The following VPS13A variants were observed in gnomAD, a reference collection of about 807,000 sequenced individuals.
VPS13A encodes the protein vacuolar protein sorting 13 homolog A, also known as intermembrane lipid transfer protein VPS13A.
A neutral mutation model predicts 390.9 loss-of-function variants in VPS13A; 264 were observed. That is an observed-to-expected ratio of 0.68 (90% CI 0.61 to 0.75). The LOEUF (loss-of-function observed/expected upper bound fraction) is 0.75. Ranked by LOEUF, VPS13A falls within the 30% of genes least tolerant of loss-of-function variation. The probability of loss-of-function intolerance (pLI) is 0.00; values close to 1 mark genes in which losing one functional copy is unlikely to be tolerated. For missense variants in VPS13A, 3,409 were observed against 3,733.9 expected, an observed-to-expected ratio of 0.91 and a Z score of 2.27; for synonymous variants, 1,231 against 1,227.1, an observed-to-expected ratio of 1.00 and a Z score of -0.07.
At chr9:77,356,002 G>T (rs1269383286) in intron 54 of VPS13A, among the ~76,000 whole-genome samples, 2 of 152,160 alleles carry the variant, frequency 1.3e-5, no homozygotes, top group Non-Finnish European at 2.9e-5. Flanking sequence ...ATGTAAGTCA[G>T]ATTATGTTGT....
rs1834477304 is a variant in VPS13A at position 77,403,629 on chromosome 9, C to A, written c.9275+308C>A. 2.6e-5 allele frequency among the ~76,000 whole-genome samples: 4 copies of A among 152,140 alleles called. No individual in the cohort carries two copies. In the South Asian group the frequency reaches 8.3e-4, roughly 32 times the overall value. On this transcript the variant is annotated intron_variant, in intron 69 of 71. Coordinates refer to ENST00000360280, the MANE Select transcript of VPS13A (RefSeq NM_033305.3). ...GCTTTCTCCTCTCTGAAGAAGTGTA[C>A]AATTTTAGGTTATCCCAGAAGTCAG... is the stretch of plus-strand genomic sequence containing the variant.
chr9:77,328,564 G>A (rs1404047141), intron 45 of VPS13A, among the ~76,000 whole-genome samples: 1 of 152,168 alleles, frequency 6.6e-6, no homozygotes, highest in Non-Finnish European at 1.5e-5. Flanking sequence ...TTGGAAATCT[G>A]TTGTTTAGTG....
intron 55 of VPS13A, 71 bp from the exon 56 acceptor site, chr9:77,357,621 T>C: frequency 6.6e-7 from 1 of 1,516,018 alleles, no homozygotes; most frequent in Non-Finnish European, 9.0e-7. Flanking sequence ...AAAAAGTTTT[T>C]GGCATTAATT....
chr9:77,191,647 A>G (rs1278064050), intron 1 of VPS13A, among the ~76,000 whole-genome samples: 1 of 152,078 alleles, frequency 6.6e-6, no homozygotes, highest in African/African-American at 2.4e-5. Flanking sequence ...TGTTTACCCA[A>G]AAGTCATTCA....
At position 77,366,746 on chromosome 9, in the gene VPS13A, T is replaced by G; in HGVS notation, c.8345T>G (p.Leu2782Arg). Residue 2782 changes from leucine (L) to arginine (R), a missense_variant, in exon 61 of 72, where the codon CTG becomes CGG. Coordinates refer to ENST00000360280, the MANE Select transcript of VPS13A (RefSeq NM_033305.3). Reference protein sequence around the residue: ...SPIKLHLSVSLSSGREEAKDS... With the variant: ...SPIKLHLSVSRSSGREEAKDS... The stretch of plus-strand genomic sequence containing the variant: ...TTTTAGTTACATTTAAGTGTTTCAC[T>G]GAGTTCCGGCAGAGAAGAAGCTAAA... The G allele has an allele frequency of 6.2e-7, 1 of 1,612,770 alleles. No homozygotes were observed. Among genetic ancestry groups the G allele is most frequent in the Non-Finnish European group, 8.5e-7 (1 of 1,179,114 alleles).
At position 77,314,697 on chromosome 9, in the gene VPS13A, T is replaced by G. The variant is rs984618443; in HGVS notation, c.4412+33T>G. ...TTGTAATGATGTTCTAAGGTTTTAC[T>G]TGAGAAATCGTTGATATATTTTACA... On this transcript the variant is annotated intron_variant, in intron 37 of 71. Transcript: ENST00000360280. 3 of 1,595,606 alleles carry G rather than the reference T, an allele frequency of 1.9e-6. No individual in the cohort carries two copies. The African/African-American group carries it at 4.0e-5, about 21-fold the overall frequency.
rs1166054082 is a variant in VPS13A at position 77,401,328 on chromosome 9, GTTGT to G, written c.9190-1907_9190-1904del. On this transcript the variant is annotated intron_variant, in intron 68 of 71. Coordinates refer to ENST00000360280, the MANE Select transcript of VPS13A (RefSeq NM_033305.3). ...AACCACCATCTTGGGATCACATGAA[GTTGT>G]GTGTGTGTGTGTGTGTGTGTGTGTG... Among the ~76,000 whole-genome samples the G allele has an allele frequency of 5.7e-4, 54 of 95,226 alleles. 2 individuals are homozygous for G. In the Middle Eastern group the frequency reaches 0.027, roughly 48 times the overall value. The allele number at this position is 95,226 out of a possible 152,430, so 62.5% of individuals were successfully genotyped here.
In VPS13A at chr9:77,359,362, G is replaced by A; in HGVS notation, c.8065G>A (p.Val2689Ile). ...AAAGCCCTTTACAGATGTCAGTATT[G>A]TCATGAGATCTGCAGGACATTCCCA... Reference protein sequence around the residue: ...APKPFTDVSIVMRSAGHSQIS... With the variant: ...APKPFTDVSIIMRSAGHSQIS... Residue 2689 changes from valine (V) to isoleucine (I), a missense_variant, in exon 58 of 72, where the codon GTC becomes ATC. By Grantham distance (29) the Val-to-Ile change is conservative. Transcript: ENST00000360280. The A allele has an allele frequency of 6.2e-7, 1 of 1,613,458 alleles. No individual in the cohort carries two copies. Among genetic ancestry groups the A allele is most frequent in the Non-Finnish European group, 8.5e-7 (1 of 1,179,688 alleles).
chr9:77,197,616 T>C (rs935069902), intron 1 of VPS13A, among the ~76,000 whole-genome samples: 1 of 151,990 alleles, frequency 6.6e-6, no homozygotes, highest in African/African-American at 2.4e-5. Context: ...AGAAGTGATA[T>C]GGATTTTGGA....
intron 45 of VPS13A, among the ~76,000 whole-genome samples, chr9:77,330,359 T>TA (rs1300196914): frequency 6.6e-6 from 1 of 152,172 alleles, no homozygotes; most frequent in African/African-American, 2.4e-5. Context: ...TCTGCTCCCT[T>TA]AGACTTTTCA....
Position 77,350,414 on chromosome 9 carries a change from A to G in VPS13A, c.7290-903A>G, listed in dbSNP as rs985865846. Among the ~76,000 whole-genome samples the G allele has an allele frequency of 2.6e-5, 4 of 152,150 alleles. No individual in the cohort carries two copies. In the East Asian group the frequency reaches 5.8e-4, roughly 22 times the overall value. On this transcript the variant is annotated intron_variant, in intron 52 of 71. Transcript: ENST00000360280. ...ATATTTCTATATCCTAGTTGTTAAA[A>G]TGTTGTTCTGAGTTCATCTCTAGCT...
chr9:77,230,758 A>G (rs765861894), intron 17 of VPS13A, among the ~76,000 whole-genome samples: 6 of 152,138 alleles, frequency 3.9e-5, no homozygotes, highest in Non-Finnish European at 8.8e-5. Context: ...GCAAAAAAAT[A>G]AGCTCAGATT....
At chr9:77,293,682 C>T (rs930062773) in intron 32 of VPS13A, among the ~76,000 whole-genome samples, 174 bp downstream of exon 32, 1 of 151,450 alleles carries the variant, frequency 6.6e-6, no homozygotes, top group Admixed American at 6.6e-5. Flanking sequence ...TATATAACAT[C>T]GTTTTGACAT....
intron 1 of VPS13A, among the ~76,000 whole-genome samples, chr9:77,186,358 C>T (rs1279821781): frequency 6.6e-6 from 1 of 152,180 alleles, no homozygotes; most frequent in African/African-American, 2.4e-5. Context: ...ACCTTCATCT[C>T]TTAATTCTCT....
At chr9:77,243,606 T>C (rs1824633324) in intron 19 of VPS13A, among the ~76,000 whole-genome samples, 1 of 152,170 alleles carries the variant, frequency 6.6e-6, no homozygotes, top group Non-Finnish European at 1.5e-5. Flanking sequence ...GGTTCTCTGA[T>C]AGGATCATAG....
intron 67 of VPS13A, among the ~76,000 whole-genome samples, chr9:77,381,627 C>G (rs192455886): frequency 2.0e-4 from 31 of 151,726 alleles, no homozygotes; most frequent in Non-Finnish European, 3.4e-4. Flanking sequence ...TCACAGAAAA[C>G]TCTTAGAAGC....
intron 23 of VPS13A, among the ~76,000 whole-genome samples, chr9:77,267,192 GT>G (rs1467304598): frequency 6.6e-6 from 1 of 152,066 alleles, no homozygotes; most frequent in Non-Finnish European, 1.5e-5. Context: ...TCTCCATCCA[GT>G]TTTGTTCCCT....
At chr9:77,243,736 G>T (rs543787439) in intron 19 of VPS13A, among the ~76,000 whole-genome samples, 1 of 152,166 alleles carries the variant, frequency 6.6e-6, no homozygotes, top group Non-Finnish European at 1.5e-5. Context: ...CAGAATGGAT[G>T]TAGTTCTTGC....
At chr9:77,346,200 A>G (rs1159245614) in intron 52 of VPS13A, among the ~76,000 whole-genome samples, 2 of 151,868 alleles carry the variant, frequency 1.3e-5, no homozygotes, top group South Asian at 2.1e-4. Context: ...AATTTAAATT[A>G]TGATCATTTT....
Sources: allele counts gnomAD v4.1 joint callset (sites outside exome capture counted in the v4.1 genomes callset), GRCh38; gene constraint gnomAD v4.1.1; transcripts MANE v1.5; gene names NCBI Gene and HGNC (gene_info 2026-07-23, HGNC 2026-07-21).